GPHN: variants seen among roughly 807,000 people sequenced by gnomAD.
GPHN encodes the protein gephyrin.
A neutral mutation model predicts 95.5 loss-of-function variants in GPHN; 17 were observed. The ratio of observed to expected loss-of-function variants is 0.18; its 90% CI spans 0.12 to 0.27. The LOEUF (loss-of-function observed/expected upper bound fraction) is 0.27, where lower values mean the gene tolerates loss of function less well. GPHN is among the 10% of genes least tolerant of loss of function. The probability of loss-of-function intolerance (pLI) is 1.00; values close to 1 mark genes in which losing one functional copy is unlikely to be tolerated. For synonymous variants in GPHN, 320 were observed against 322.5 expected (o/e 0.99, Z 0.08); for missense variants, 660 against 978.1 (o/e 0.67, Z 4.34).
intron 1 of GPHN, among the ~76,000 whole-genome samples, chr14:66,561,005 G>T (rs1302492844): frequency 6.6e-6 from 1 of 152,028 alleles, no homozygotes; most frequent in Non-Finnish European, 1.5e-5. Flanking sequence ...ATAATCATGT[G>T]GTTTTTGTCT....
At chr14:67,362,705 G>A in the GPHN span, among the ~76,000 whole-genome samples, 3 of 152,022 alleles carry the variant, frequency 2.0e-5, no homozygotes, top group Non-Finnish European at 2.9e-5. Context: ...AAGAGGTGAA[G>A]TCACCTAGTG....
chr14:67,228,467 C>T, the GPHN span: 1 of 209,406 alleles, frequency 4.8e-6, no homozygotes, highest in African/African-American at 2.4e-5. Flanking sequence ...GCAAACACAG[C>T]TCAGGGAAAG....
chr14:66,587,971 C>T (rs1354885041), intron 1 of GPHN, among the ~76,000 whole-genome samples: 1 of 152,152 alleles, frequency 6.6e-6, no homozygotes, highest in Non-Finnish European at 1.5e-5. Flanking sequence ...GGTTGACAGA[C>T]ACCTCATACA....
the GPHN span, among the ~76,000 whole-genome samples, chr14:67,713,042 A>T: frequency 2.0e-5 from 3 of 152,162 alleles, no homozygotes; most frequent in Non-Finnish European, 4.4e-5. Context: ...GATGAAACCC[A>T]ACAGGAAAAA....
At chr14:67,339,333 C>G in the GPHN span, among the ~76,000 whole-genome samples, 2 of 152,046 alleles carry the variant, frequency 1.3e-5, no homozygotes, top group Admixed American at 1.3e-4. Context: ...GAAATCCATT[C>G]TCGAATGGAA....
chr14:67,075,733 G>A (rs1401421896), intron 11 of GPHN, among the ~76,000 whole-genome samples: 1 of 152,176 alleles, frequency 6.6e-6, no homozygotes, highest in Non-Finnish European at 1.5e-5. Context: ...TAACTACGAT[G>A]TCGTCAAAAT....
the GPHN span, chr14:67,659,953 C>G: frequency 6.3e-7 from 1 of 1,595,856 alleles, no homozygotes; most frequent in East Asian, 2.2e-5. Context: ...GAGCAGATAG[C>G]CTGGTTCTTC....
chr14:66,692,072 G>A (rs943073253), intron 2 of GPHN, among the ~76,000 whole-genome samples: 2 of 152,126 alleles, frequency 1.3e-5, no homozygotes, highest in African/African-American at 2.4e-5. Context: ...AAAGTCCTTA[G>A]TTTTCCTTTG....
intron 1 of GPHN, among the ~76,000 whole-genome samples, chr14:66,609,977 C>T (rs538941844): frequency 6.6e-6 from 1 of 152,236 alleles, no homozygotes; most frequent in South Asian, 2.1e-4. Flanking sequence ...GGAGCTTCTG[C>T]ACTCTTTTGG....
chr14:66,887,541 C>T (rs755798637), intron 5 of GPHN, among the ~76,000 whole-genome samples: 8 of 152,130 alleles, frequency 5.3e-5, no homozygotes, highest in Non-Finnish European at 8.8e-5. Flanking sequence ...TGCCACTGCA[C>T]TCCAGCCTGG....
chr14:66,929,255 TGTTGGCCAGGCTGATCTCGAACTCCTG>T (rs2066652716), intron 8 of GPHN, among the ~76,000 whole-genome samples: 1 of 151,978 alleles, frequency 6.6e-6, no homozygotes, highest in Non-Finnish European at 1.5e-5. Context: ...GGTTTCACCA[TGTTGGCCAGGCTGATCTCGAACTCCTG>T]GACCTCAAGC....
the GPHN span, among the ~76,000 whole-genome samples, chr14:67,732,296 A>T: frequency 6.6e-6 from 1 of 151,386 alleles, no homozygotes; most frequent in Non-Finnish European, 1.5e-5. Context: ...AAATTAGCCC[A>T]GCATTGTGGT....
the GPHN span, among the ~76,000 whole-genome samples, chr14:67,237,564 C>A: frequency 6.6e-6 from 1 of 151,938 alleles, no homozygotes; most frequent in Non-Finnish European, 1.5e-5. Context: ...CTCAAACAAT[C>A]CTCCCATCTT....
At chr14:67,051,703 C>A (rs2075313543) in intron 10 of GPHN, among the ~76,000 whole-genome samples, 1 of 152,008 alleles carries the variant, frequency 6.6e-6, no homozygotes, top group South Asian at 2.1e-4. Context: ...TTAAGGGCAG[C>A]CAGAGAAAAA....
chr14:66,740,966 G>T (rs113883021), intron 2 of GPHN, among the ~76,000 whole-genome samples: 79 of 152,320 alleles, frequency 5.2e-4, no homozygotes, highest in African/African-American at 1.6e-3. Context: ...CTAGCATCTG[G>T]TGAGGGCCTT....
intron 11 of GPHN, among the ~76,000 whole-genome samples, chr14:67,078,447 C>T (rs961927413): frequency 1.3e-5 from 2 of 152,142 alleles, no homozygotes; most frequent in Non-Finnish European, 2.9e-5. Flanking sequence ...TACTGCTCCC[C>T]GGTTCCCATT....
chr14:67,632,263 T>C, the GPHN span, among the ~76,000 whole-genome samples: 1 of 152,228 alleles, frequency 6.6e-6, no homozygotes, highest in Admixed American at 6.5e-5. Flanking sequence ...ATCTTATCTT[T>C]TTAACTTTTT....
chr14:66,508,392 C>A lies in GPHN; in HGVS notation c.-136C>A, dbSNP rs576374379. ...GCCACCGTGCACTCTGTGGCCTCCC[C>A]CTCCTTCCCCGCTCTCCTCGCGCTT... On this transcript the variant is annotated 5_prime_UTR_variant, in exon 1 of 23. Coordinates refer to ENST00000478722, the MANE Select transcript of GPHN (RefSeq NM_020806.5). 4.9e-6 allele frequency: 4 copies of A among 823,466 alleles called. No homozygotes were observed. In the East Asian group the frequency reaches 7.4e-5, roughly 15 times the overall value. The allele number at this position is 823,466 out of a possible 1,614,324, so 51.0% of individuals were successfully genotyped here. A position where few individuals can be genotyped will look rare whatever the true frequency, so the allele number is the denominator to read the frequency against.
intron 4 of GPHN, among the ~76,000 whole-genome samples, chr14:66,859,736 G>A (rs1318972230): frequency 6.6e-6 from 1 of 152,068 alleles, no homozygotes; most frequent in Non-Finnish European, 1.5e-5. Flanking sequence ...ACACAGAGAA[G>A]GAATTCAGAA....
Sources: gnomAD v4.1 joint callset for allele counts (sites outside exome capture counted in the v4.1 genomes callset) on GRCh38, gnomAD v4.1.1 for gene constraint, MANE v1.5 for transcripts, NCBI Gene and HGNC (gene_info 2026-07-23, HGNC 2026-07-21) for gene names.